Variants in MAT2A observed in about 807,000 individuals in gnomAD.
MAT2A encodes the protein methionine adenosyltransferase 2A, also known as S-adenosylmethionine synthase isoform type-2.
In MAT2A, 3 loss-of-function variants were observed where a neutral mutation model predicts 43.9. That is an observed-to-expected ratio of 0.07 (90% confidence interval 0.03 to 0.18). The LOEUF (loss-of-function observed/expected upper bound fraction) is 0.18. Ranked by LOEUF, MAT2A falls within the 10% of genes least tolerant of loss-of-function variation. The probability of loss-of-function intolerance (pLI) is 1.00; values close to 1 mark genes in which losing one functional copy is unlikely to be tolerated. For synonymous variants in MAT2A, 200 were observed against 168.4 expected (o/e 1.19, Z -1.45); for missense variants, 204 against 489.0 (o/e 0.42, Z 5.50).
At chr2:85,539,544 C>A (rs1159634557) in intron 1 of MAT2A, 166 bp downstream of exon 1, 5 of 495,046 alleles carry the variant, frequency 1.0e-5, no homozygotes, top group Non-Finnish European at 1.8e-5. Flanking sequence ...CAGGGCCTGG[C>A]GCGTGGCCGC....
intron 1 of MAT2A, among the ~76,000 whole-genome samples, chr2:85,540,628 CTT>C (rs779106678): frequency 2.0e-5 from 3 of 152,174 alleles, no homozygotes; most frequent in Non-Finnish European, 4.4e-5. Context: ...CACTGTTGAG[CTT>C]TTGTTTCCTG....
chr2:85,542,459 C>G (rs545367400), intron 6 of MAT2A, 86 bp downstream of exon 6: 5 of 1,530,776 alleles, frequency 3.3e-6, no homozygotes, highest in East Asian at 2.3e-5. Flanking sequence ...TTTCTGAAAC[C>G]TACATGTGAA....
rs375344542 is a variant in MAT2A at position 85,542,139 on chromosome 2, C to T, written c.550-16C>T. ...TTGTTTGGTGTGATGTTCTGATGAC[C>T]TGTGTTGCCTTCAAGGTTACTGTGC... On this transcript the variant is annotated splice_polypyrimidine_tract_variant and intron_variant, in intron 5 of 8. Transcript: ENST00000306434. 2.5e-6 allele frequency: 4 copies of T among 1,604,986 alleles called. No individual in the cohort carries two copies. The highest frequency in any genetic ancestry group is 3.3e-4 in the Middle Eastern group (2 of 6,068).
chr2:85,543,366 G>A (rs1691527725), intron 8 of MAT2A: 1 of 421,650 alleles, frequency 2.4e-6, no homozygotes, highest in Admixed American at 4.1e-5. Context: ...ATGGTAGGGT[G>A]TGGGCGGCGG....
rs1691590431 is a variant in MAT2A at position 85,545,071 on chromosome 2, G to A, written c.*1299G>A. 6.5e-6 allele frequency: 1 copy of A among 152,674 alleles called. No homozygotes were observed. The highest frequency in any genetic ancestry group is 2.4e-5 in the African/African-American group (1 of 41,420). The allele number at this position is 152,674 out of a possible 1,614,324, so 9.5% of individuals were successfully genotyped here. On this transcript the variant is annotated 3_prime_UTR_variant, in exon 9 of 9. Coordinates refer to ENST00000306434, the MANE Select transcript of MAT2A (RefSeq NM_005911.6). ...GTCTGGCTGGTGTTAACAGAAGGGA[G>A]GGCAGAGCTGGTGCGGCTGGCCATG...
rs1228594689 is a variant in MAT2A at position 85,539,226 on chromosome 2, C to T, written c.-62C>T. 8 of 1,238,228 alleles carry T rather than the reference C, an allele frequency of 6.5e-6. No individual in the cohort carries two copies. In the Admixed American group the frequency reaches 1.0e-4, roughly 15 times the overall value. 76.7% of individuals were successfully genotyped at this position (1,238,228 alleles called of 1,614,324 possible). A position where few individuals can be genotyped will look rare whatever the true frequency, so the allele number is the denominator to read the frequency against. Reference sequence around the variant, plus strand: ...AACGCTGTCCGCAGCTTGCGCATTTCGCAGCCGCTGCCGCCTCGCCGCTGC... The same window carrying T: ...AACGCTGTCCGCAGCTTGCGCATTTTGCAGCCGCTGCCGCCTCGCCGCTGC... On this transcript the variant is annotated 5_prime_UTR_variant, in exon 1 of 9. Coordinates refer to ENST00000306434, the MANE Select transcript of MAT2A (RefSeq NM_005911.6).
rs1375788347 is a variant in MAT2A, at chr2:85,544,729, CTT to C, written c.*959_*960del. 1 of 152,508 alleles carries C rather than the reference CTT, an allele frequency of 6.6e-6. No individual in the cohort carries two copies. Among genetic ancestry groups the C allele is most frequent in the African/African-American group, 2.4e-5 (1 of 41,386 alleles). 9.4% of individuals were successfully genotyped at this position (152,508 alleles called of 1,614,324 possible). A position where few individuals can be genotyped will look rare whatever the true frequency, so the allele number is the denominator to read the frequency against. On this transcript the variant is annotated 3_prime_UTR_variant, in exon 9 of 9. Transcript: ENST00000306434. ...ACAATAACTCCTCCCAGGGTTTTAA[CTT>C]TGTTTTATTTTCAAAACCAGGTCCA...
At chr2:85,543,158 C>T in intron 8 of MAT2A, 124 bp downstream of exon 8, 5 of 1,156,804 alleles carry the variant, frequency 4.3e-6, no homozygotes, top group Non-Finnish European at 6.1e-6. Flanking sequence ...ATTTTAATTC[C>T]TGGAACAGTT....
intron 5 of MAT2A, 51 bp from the exon 6 acceptor site, chr2:85,542,104 T>C (rs750309655): frequency 1.9e-6 from 3 of 1,577,190 alleles, no homozygotes; most frequent in Non-Finnish European, 2.6e-6. Flanking sequence ...GAGAAACAAA[T>C]ACAAAGTTAT....
intron 5 of MAT2A, 82 bp downstream of exon 5, chr2:85,542,054 A>T: frequency 1.3e-6 from 2 of 1,586,514 alleles, no homozygotes; most frequent in Non-Finnish European, 1.7e-6. Flanking sequence ...AGCTAACTGG[A>T]AAAAATAGCA....
Position 85,542,302 on chromosome 2 carries a change from G to C in MAT2A, c.697G>C (p.Ala233Pro). 6.2e-7 allele frequency: 1 copy of C among 1,614,212 alleles called. No homozygotes were observed. The highest frequency in any genetic ancestry group is 8.5e-7 in the Non-Finnish European group (1 of 1,180,038). ...GAAAGTCATCAAAGCAGTTGTGCCT[G>C]CGAAATACCTTGATGAGGATACAAT... ...KEKVIKAVVPAKYLDEDTIYH... is the reference protein window; with the variant it reads ...KEKVIKAVVPPKYLDEDTIYH... The change falls in exon 6 of 9, where the codon GCG becomes CCG. Residue 233 changes from alanine to proline, a missense_variant. By Grantham distance (27) the Ala-to-Pro change is conservative. Around this residue, in one of 6 missense-constraint regions of MAT2A, gnomAD observed 103 missense variants for 226.4 expected, o/e 0.45. Transcript: ENST00000306434.
intron 1 of MAT2A, among the ~76,000 whole-genome samples, chr2:85,540,595 G>A (rs1691450306): frequency 6.6e-6 from 1 of 152,182 alleles, no homozygotes; most frequent in Non-Finnish European, 1.5e-5. Flanking sequence ...ACATGGATTC[G>A]GAATACGTTT....
chr2:85,543,059 A>C (rs1445947355), intron 8 of MAT2A, 25 bp downstream of exon 8: 1 of 1,608,798 alleles, frequency 6.2e-7, no homozygotes, highest in African/African-American at 1.3e-5. Context: ...GCCTGTTGCT[A>C]GTCAAGTATT....
Position 85,541,389 on chromosome 2 carries a change from T to TG in MAT2A, c.292+13dup. ...TGATTCTTCCAAAGGTGTGTTTTAA[T>TG]GATTTTGCTCATTTTTTTCTAGGTA... On this transcript the variant is annotated intron_variant, in intron 3 of 8. Coordinates refer to ENST00000306434, the MANE Select transcript of MAT2A (RefSeq NM_005911.6). The TG allele has an allele frequency of 6.2e-7, 1 of 1,606,946 alleles. No individual in the cohort carries two copies. Among genetic ancestry groups the TG allele is most frequent in the Non-Finnish European group, 8.5e-7 (1 of 1,177,848 alleles).
chr2:85,542,755 C>T lies in MAT2A; in HGVS notation c.951+8C>T, dbSNP rs769430132. 6 of 1,597,196 alleles carry T rather than the reference C, an allele frequency of 3.8e-6. No homozygotes were observed. Among genetic ancestry groups the T allele is most frequent in the Admixed American group, 1.7e-5 (1 of 58,208 alleles). Reference sequence around the variant, plus strand: ...CGGAGGGTTCTTGTTCAGGTATACACTCTTTATATAACGAACGATTAAAAG... The same window carrying T: ...CGGAGGGTTCTTGTTCAGGTATACATTCTTTATATAACGAACGATTAAAAG... On this transcript the variant is annotated splice_region_variant and intron_variant, in intron 7 of 8. Coordinates refer to ENST00000306434, the MANE Select transcript of MAT2A (RefSeq NM_005911.6).
Position 85,541,391 on chromosome 2 carries a change from A to C in MAT2A, c.292+14A>C, listed in dbSNP as rs750871330. 3.1e-6 allele frequency: 5 copies of C among 1,604,920 alleles called. No homozygotes were observed. The Admixed American group carries it at 8.5e-5, about 27-fold the overall frequency. On this transcript the variant is annotated intron_variant, in intron 3 of 8. Transcript: ENST00000306434. ...ATTCTTCCAAAGGTGTGTTTTAATG[A>C]TTTTGCTCATTTTTTTCTAGGTAAC...
Position 85,539,386 on chromosome 2 carries a change from G to A in MAT2A, c.91+8G>A, listed in dbSNP as rs750557942. On this transcript the variant is annotated splice_region_variant and intron_variant, in intron 1 of 8. Coordinates refer to ENST00000306434, the MANE Select transcript of MAT2A (RefSeq NM_005911.6). Reference sequence around the variant, plus strand: ...TCGGGGAAGGCCACCCAGGTGAGGGGACGGCCTGAAGCGAAGCGTGGGGCG... The same window carrying A: ...TCGGGGAAGGCCACCCAGGTGAGGGAACGGCCTGAAGCGAAGCGTGGGGCG... The A allele has an allele frequency of 3.1e-6, 5 of 1,598,010 alleles. No individual in the cohort carries two copies. Among genetic ancestry groups the A allele is most frequent in the Non-Finnish European group, 3.4e-6 (4 of 1,173,174 alleles).
At position 85,544,385 on chromosome 2, in the gene MAT2A, GT is replaced by G. The variant is rs1331864210; in HGVS notation, c.*615del. 1 of 152,676 alleles carries G rather than the reference GT, an allele frequency of 6.5e-6. No individual in the cohort carries two copies. The highest frequency in any genetic ancestry group is 1.5e-5 in the Non-Finnish European group (1 of 68,060). The allele number at this position is 152,676 out of a possible 1,614,324, so 9.5% of individuals were successfully genotyped here. A position where few individuals can be genotyped will look rare whatever the true frequency, so the allele number is the denominator to read the frequency against. On this transcript the variant is annotated 3_prime_UTR_variant, in exon 9 of 9. Coordinates refer to ENST00000306434, the MANE Select transcript of MAT2A (RefSeq NM_005911.6). ...CTCCAGCCTGACATCAAAAAAGGCAGTTACCATTAAACCATCTCCCTGGTGC... is the reference window on the plus strand; with the variant it reads ...CTCCAGCCTGACATCAAAAAAGGCAGTACCATTAAACCATCTCCCTGGTGC...
chr2:85,540,696 CATTTA>C (rs1315599583), intron 1 of MAT2A, among the ~76,000 whole-genome samples: 1 of 152,194 alleles, frequency 6.6e-6, no homozygotes, highest in Non-Finnish European at 1.5e-5. Context: ...AAATGCTTTT[CATTTA>C]ATTGTTTAAT....
Sources: gnomAD v4.1 joint callset for allele counts (sites outside exome capture counted in the v4.1 genomes callset) on GRCh38, gnomAD v4.1.1 for gene constraint, gnomAD v4.1.1 regional missense constraint, MANE v1.5 for transcripts, NCBI Gene and HGNC (gene_info 2026-07-23, HGNC 2026-07-21) for gene names.